The following ANKRD50 variants were observed in gnomAD, a reference collection of about 807,000 sequenced individuals.
The protein encoded by ANKRD50 is ankyrin repeat domain 50.
A neutral mutation model predicts 112.0 loss-of-function variants in ANKRD50; 40 were observed. That is an observed-to-expected ratio of 0.36 (90% CI 0.28 to 0.46). The LOEUF (loss-of-function observed/expected upper bound fraction) is 0.46, where lower values mean the gene tolerates loss of function less well. Among genes scored for constraint, ANKRD50 ranks in the 20% least tolerant of loss-of-function variants. ANKRD50 has a pLI of 1.00. For missense variants in ANKRD50, 1,487 were observed against 1,701.7 expected, an observed-to-expected ratio of 0.87 and a Z score of 2.22; for synonymous variants, 613 against 619.1, an observed-to-expected ratio of 0.99 and a Z score of 0.15.
chr4:124,669,307 C>T lies in ANKRD50; in HGVS notation c.3970G>A (p.Ala1324Thr). 1 of 1,613,748 alleles carries T rather than the reference C, an allele frequency of 6.2e-7. No individual in the cohort carries two copies. Among genetic ancestry groups the T allele is most frequent in the South Asian group, 1.1e-5 (1 of 91,046 alleles). Reference protein sequence around the residue: ...GTAAPPKQMPAESQCKIMIPS... With the variant: ...GTAAPPKQMPTESQCKIMIPS... The stretch of plus-strand genomic sequence containing the variant: ...ATCATAATTTTGCATTGAGATTCTG[C>T]TGGCATTTGTTTAGGTGGTGCAGCA... Residue 1324 changes from alanine (A) to threonine (T), a missense_variant, in exon 4 of 5, where the codon GCA becomes ACA. Ala to Thr is a moderately conservative substitution (Grantham distance 58). Around this residue, in one of 2 missense-constraint regions of ANKRD50, gnomAD observed 441 missense variants for 432.2 expected, o/e 1.02. Coordinates refer to ENST00000504087, the MANE Select transcript of ANKRD50 (RefSeq NM_020337.3).
chr4:124,698,858 T>C (rs1725317582), intron 2 of ANKRD50, among the ~76,000 whole-genome samples: 1 of 152,122 alleles, frequency 6.6e-6, no homozygotes, highest in Non-Finnish European at 1.5e-5. Flanking sequence ...TACTCCTCCA[T>C]TTACTTAATT....
chr4:124,682,322 CAAAAAAAA>C lies in ANKRD50; in HGVS notation c.513-3425_513-3418del, dbSNP rs36107017. Among the ~76,000 whole-genome samples, 9 of 87,588 alleles carry C rather than the reference CAAAAAAAA, an allele frequency of 1.0e-4. No individual in the cohort carries two copies. In the East Asian group the frequency reaches 2.5e-3, roughly 24 times the overall value. 57.5% of individuals were successfully genotyped at this position (87,588 alleles called of 152,430 possible). A position where few individuals can be genotyped will look rare whatever the true frequency, so the allele number is the denominator to read the frequency against. On this transcript the variant is annotated intron_variant, in intron 2 of 4. Transcript: ENST00000504087. ...TGGGCGACAGAGCAAGACTCCGTCT[CAAAAAAAA>C]AAAAAAAAAAAAAAAAAAAAAGAAT...
At chr4:124,683,301 AATATT>A (rs1724934725) in intron 2 of ANKRD50, among the ~76,000 whole-genome samples, 1 of 151,342 alleles carries the variant, frequency 6.6e-6, no homozygotes, top group Admixed American at 6.6e-5. Context: ...TACATATATT[AATATT>A]ATATACTATA....
chr4:124,672,389 G>A lies in ANKRD50; in HGVS notation c.888C>T (p.His296=). The A allele has an allele frequency of 6.2e-7, 1 of 1,613,250 alleles. No homozygotes were observed. The highest frequency in any genetic ancestry group is 1.3e-5 in the African/African-American group (1 of 74,980). The change falls in exon 4 of 5, where the codon CAC becomes CAT. Residue 296 remains histidine (H), a synonymous_variant. Coordinates refer to ENST00000504087, the MANE Select transcript of ANKRD50 (RefSeq NM_020337.3). ...KETAEMLNQL[H]IKSSGCFLYL... is the part of the protein sequence containing the mutation. ...AAAGAAAGCATCCACTGCTTTTAAT[G>A]TGCAGTTGATTTAACATCTCTGCAG... is the stretch of plus-strand genomic sequence containing the variant.
rs763304884 is a variant in ANKRD50 at position 124,670,573 on chromosome 4, T to C, written c.2704A>G (p.Asn902Asp). ...CCTCTTTGATCAATGTTGGATTTGT[T>C]TTCCAGTAATATTTGAACACAATCA... ...HYDCVQILLE[N>D]KSNIDQRGYD... Residue 902 changes from asparagine (N) to aspartate (D), a missense_variant, in exon 4 of 5, where the codon AAC becomes GAC. Physicochemically the swap from Asn to Asp is conservative, Grantham distance 23. Around this residue, in one of 2 missense-constraint regions of ANKRD50, gnomAD observed 1,046 missense variants for 1,269.5 expected, o/e 0.82. Coordinates refer to ENST00000504087, the MANE Select transcript of ANKRD50 (RefSeq NM_020337.3). 70 of 1,612,852 alleles carry C rather than the reference T, an allele frequency of 4.3e-5. No homozygotes were observed. The highest frequency in any genetic ancestry group is 5.8e-5 in the Non-Finnish European group (69 of 1,179,700).
intron 4 of ANKRD50, 61 bp downstream of exon 4, chr4:124,668,923 G>C: frequency 6.9e-7 from 1 of 1,447,332 alleles, no homozygotes; most frequent in Non-Finnish European, 9.4e-7. Context: ...AAGGAAAAGA[G>C]CATTCCAAGT....
chr4:124,670,435 G>A lies in ANKRD50; in HGVS notation c.2842C>T (p.Pro948Ser). Residue 948 changes from proline (P) to serine (S), a missense_variant, in exon 4 of 5, where the codon CCT becomes TCT. Pro to Ser is a moderately conservative substitution (Grantham distance 74, BLOSUM62 -1). Transcript: ENST00000504087. ...TCTAAGGCCAAGATATAAAGTGTAGGCCGACCATCAGCATCTTTGCAGTTA... is the reference window on the plus strand; with the variant it reads ...TCTAAGGCCAAGATATAAAGTGTAGACCGACCATCAGCATCTTTGCAGTTA... ...DVNCKDADGR[P>S]TLYILALENQ... The A allele has an allele frequency of 6.2e-7, 1 of 1,613,768 alleles. No individual in the cohort carries two copies. Among genetic ancestry groups the A allele is most frequent in the South Asian group, 1.1e-5 (1 of 91,066 alleles).
At chr4:124,700,210 GGC>G (rs1473438975) in intron 2 of ANKRD50, among the ~76,000 whole-genome samples, 1 of 152,140 alleles carries the variant, frequency 6.6e-6, no homozygotes, top group Admixed American at 6.6e-5. Context: ...GCTGGAACAT[GGC>G]TTATTTCAGA....
chr4:124,695,758 C>T (rs1398723158), intron 2 of ANKRD50, among the ~76,000 whole-genome samples: 1 of 152,136 alleles, frequency 6.6e-6, no homozygotes, highest in Non-Finnish European at 1.5e-5. Context: ...AAAGACTCTT[C>T]TGAGTCTCCA....
chr4:124,670,951 G>T lies in ANKRD50; in HGVS notation c.2326C>A (p.His776Asn). The change falls in exon 4 of 5, where the codon CAC becomes AAC. Residue 776 changes from histidine to asparagine, a missense_variant. Transcript: ENST00000504087. ...GGTGTACGGCCATTGTTATCTGTGT[G>T]ATCTACATCTGCTCCCCCTTCTAGA... Reference protein sequence around the residue: ...LLLEGGADVDHTDNNGRTPLL... With the variant: ...LLLEGGADVDNTDNNGRTPLL... The T allele has an allele frequency of 1.2e-6, 2 of 1,613,822 alleles. No homozygotes were observed. Among genetic ancestry groups the T allele is most frequent in the South Asian group, 2.2e-5 (2 of 91,082 alleles).
intron 2 of ANKRD50, among the ~76,000 whole-genome samples, chr4:124,704,388 T>C (rs912122768): frequency 6.6e-6 from 1 of 152,202 alleles, no homozygotes; most frequent in Non-Finnish European, 1.5e-5. Flanking sequence ...CTTCGCCTCT[T>C]TGTTGAGTGC....
Position 124,664,198 on chromosome 4 carries a change from C to CA in ANKRD50, c.*3319dup, listed in dbSNP as rs1730434894. ...AAAGTTATTGGATTACTGCAATTCT[C>CA]AGAGGCACAAAACCTGACATGGTGT... On this transcript the variant is annotated 3_prime_UTR_variant, in exon 5 of 5. Coordinates refer to ENST00000504087, the MANE Select transcript of ANKRD50 (RefSeq NM_020337.3). The CA allele has an allele frequency of 1.3e-5, 2 of 151,708 alleles. No homozygotes were observed. The highest frequency in any genetic ancestry group is 2.9e-5 in the Non-Finnish European group (2 of 67,912). The allele number at this position is 151,708 out of a possible 1,614,324, so 9.4% of individuals were successfully genotyped here. A position where few individuals can be genotyped will look rare whatever the true frequency, so the allele number is the denominator to read the frequency against.
At chr4:124,683,213 T>C (rs1221769847) in intron 2 of ANKRD50, among the ~76,000 whole-genome samples, 2 of 151,696 alleles carry the variant, frequency 1.3e-5, no homozygotes, top group Non-Finnish European at 2.9e-5. Context: ...CTCTCCATAA[T>C]AGTGATTAAT....
At chr4:124,691,498 C>CAA (rs71583369) in intron 2 of ANKRD50, among the ~76,000 whole-genome samples, 2,999 of 59,622 alleles carry the variant, frequency 0.05, 665 homozygotes, top group African/African-American at 0.15. Flanking sequence ...GACTCCGTCT[C>CAA]AAAAAAAAAA....
chr4:124,695,639 A>G (rs1725234815), intron 2 of ANKRD50, among the ~76,000 whole-genome samples: 1 of 152,184 alleles, frequency 6.6e-6, no homozygotes, highest in African/African-American at 2.4e-5. Context: ...CACGTAACTC[A>G]GGAGATTTGC....
intron 3 of ANKRD50, among the ~76,000 whole-genome samples, chr4:124,675,143 G>T (rs1407586687): frequency 1.3e-5 from 2 of 151,674 alleles, no homozygotes; most frequent in Non-Finnish European, 3.0e-5. Flanking sequence ...TTGAATAGAA[G>T]TATTTTTCTA....
chr4:124,693,161 T>C (rs915730162), intron 2 of ANKRD50, among the ~76,000 whole-genome samples: 1 of 152,180 alleles, frequency 6.6e-6, no homozygotes, highest in Non-Finnish European at 1.5e-5. Flanking sequence ...ACAAGGAAGT[T>C]CTTAAAACCT....
At chr4:124,673,814 T>C (rs1023491751) in intron 3 of ANKRD50, among the ~76,000 whole-genome samples, 1 of 152,056 alleles carries the variant, frequency 6.6e-6, no homozygotes, top group Admixed American at 6.6e-5. Context: ...GAATAAAATA[T>C]GAATAACAGT....
Position 124,710,438 on chromosome 4 carries a change from C to A in ANKRD50, c.74G>T (p.Cys25Phe), listed in dbSNP as rs550392767. Residue 25 changes from cysteine (C) to phenylalanine (F), a missense_variant, in exon 2 of 5, where the codon TGT becomes TTT. Cys to Phe is a radical substitution (Grantham distance 205). Coordinates refer to ENST00000504087, the MANE Select transcript of ANKRD50 (RefSeq NM_020337.3). Reference sequence around the variant, plus strand: ...AAGCTTGTGGAAAACCCACTCCCTACAGTAAAACTGCTTCCCTTGCAGTAA... The same window carrying A: ...AAGCTTGTGGAAAACCCACTCCCTAAAGTAAAACTGCTTCCCTTGCAGTAA... ...TSLLQGKQFY[C>F]REWVFHKLQH... 6.2e-7 allele frequency: 1 copy of A among 1,614,194 alleles called. No homozygotes were observed. The highest frequency in any genetic ancestry group is 1.7e-5 in the Admixed American group (1 of 60,028).
Sources: gnomAD v4.1 joint callset for allele counts (sites outside exome capture counted in the v4.1 genomes callset) on GRCh38, gnomAD v4.1.1 for gene constraint, gnomAD v4.1.1 regional missense constraint, MANE v1.5 for transcripts, NCBI Gene and HGNC (gene_info 2026-07-23, HGNC 2026-07-21) for gene names.